ZFAND3: variants seen among roughly 807,000 people sequenced by gnomAD.
ZFAND3 encodes the protein zinc finger AN1-type containing 3, also known as AN1-type zinc finger protein 3.
ZFAND3 carries 10 observed loss-of-function variants against 29.6 expected under a neutral mutation model. The observed-to-expected ratio is 0.34, with a 90% CI of 0.21 to 0.57. The LOEUF (loss-of-function observed/expected upper bound fraction) is 0.57, where lower values mean the gene tolerates loss of function less well. Among genes scored for constraint, ZFAND3 ranks in the 20% least tolerant of loss-of-function variants. The pLI is 0.86. For missense variants in ZFAND3, 230 were observed against 304.5 expected (o/e 0.76, Z 1.82); for synonymous variants, 128 against 112.6 (o/e 1.14, Z -0.87).
intron 5 of ZFAND3, among the ~76,000 whole-genome samples, chr6:38,121,413 C>G (rs1215620731): frequency 6.6e-6 from 1 of 152,086 alleles, no homozygotes. Flanking sequence ...AAACAAGAAC[C>G]AAAACTTGAG....
chr6:37,870,417 C>T (rs1474217438), intron 1 of ZFAND3, among the ~76,000 whole-genome samples: 1 of 150,562 alleles, frequency 6.6e-6, no homozygotes, highest in South Asian at 2.1e-4. Context: ...GCCTGGCCAA[C>T]GTGGTGAAAC....
chr6:38,048,697 G>T (rs1450986774), intron 2 of ZFAND3, among the ~76,000 whole-genome samples: 1 of 151,560 alleles, frequency 6.6e-6, no homozygotes, highest in Non-Finnish European at 1.5e-5. Flanking sequence ...ATCCTACACA[G>T]GTTTTAACGT....
intron 1 of ZFAND3, among the ~76,000 whole-genome samples, chr6:37,845,779 A>G (rs957730385): frequency 6.6e-6 from 1 of 152,212 alleles, no homozygotes; most frequent in Non-Finnish European, 1.5e-5. Context: ...TTTGGGAAAT[A>G]ATGATGAAAT....
chr6:37,859,294 ATTCT>A (rs1196092202), intron 1 of ZFAND3, among the ~76,000 whole-genome samples: 1 of 152,174 alleles, frequency 6.6e-6, no homozygotes, highest in Non-Finnish European at 1.5e-5. Context: ...CATCTCATTG[ATTCT>A]TTCTATTAAA....
chr6:37,944,154 T>TA (rs1761858940), intron 2 of ZFAND3, among the ~76,000 whole-genome samples: 1 of 152,202 alleles, frequency 6.6e-6, no homozygotes, highest in South Asian at 2.1e-4. Flanking sequence ...TACAGTTATT[T>TA]AGATGTGTTG....
chr6:37,888,399 T>TAGTTGC (rs149391855), intron 1 of ZFAND3, among the ~76,000 whole-genome samples: 2,179 of 152,310 alleles, frequency 0.014, 41 homozygotes, highest in African/African-American at 0.048. Flanking sequence ...ATCTGAAATG[T>TAGTTGC]AGTTGCATAA....
At chr6:38,011,455 C>A (rs1350088185) in intron 2 of ZFAND3, among the ~76,000 whole-genome samples, 1 of 152,142 alleles carries the variant, frequency 6.6e-6, no homozygotes, top group Non-Finnish European at 1.5e-5. Context: ...TGCTCCATAT[C>A]CTTGCCAACA....
At chr6:38,029,783 T>C (rs1763516331) in intron 2 of ZFAND3, among the ~76,000 whole-genome samples, 1 of 152,146 alleles carries the variant, frequency 6.6e-6, no homozygotes, top group African/African-American at 2.4e-5. Flanking sequence ...GCAATCCTCA[T>C]GCATTTCCAG....
chr6:37,911,351 T>C (rs1401437880), intron 1 of ZFAND3, among the ~76,000 whole-genome samples: 1 of 152,218 alleles, frequency 6.6e-6, no homozygotes, highest in Admixed American at 6.5e-5. Flanking sequence ...TTTTGGGAAA[T>C]GTCTATTCAG....
chr6:38,045,365 A>G (rs1050573508), intron 2 of ZFAND3, among the ~76,000 whole-genome samples: 7 of 152,144 alleles, frequency 4.6e-5, no homozygotes, highest in Admixed American at 3.3e-4. Flanking sequence ...GTGGGATTGC[A>G]GATTTGAGCC....
At chr6:37,902,527 A>G (rs776176053) in intron 1 of ZFAND3, among the ~76,000 whole-genome samples, 1 of 152,052 alleles carries the variant, frequency 6.6e-6, no homozygotes, top group Non-Finnish European at 1.5e-5. Context: ...CAAAACAAAT[A>G]TAACGTTAGT....
chr6:38,013,205 A>T (rs530633303), intron 2 of ZFAND3, among the ~76,000 whole-genome samples: 46 of 152,262 alleles, frequency 3.0e-4, no homozygotes, highest in Admixed American at 5.9e-4. Flanking sequence ...TGTATTTTCA[A>T]CTTCACTTGG....
intron 3 of ZFAND3, among the ~76,000 whole-genome samples, chr6:38,063,434 C>T (rs914975206): frequency 1.3e-5 from 2 of 152,144 alleles, no homozygotes; most frequent in African/African-American, 2.4e-5. Context: ...TAGGACAGTC[C>T]TCTGCAACAA....
At chr6:37,984,564 A>G (rs914543896) in intron 2 of ZFAND3, among the ~76,000 whole-genome samples, 1 of 152,210 alleles carries the variant, frequency 6.6e-6, no homozygotes, top group African/African-American at 2.4e-5. Context: ...ACTTTCTGAA[A>G]ACATTTAAAT....
intron 1 of ZFAND3, among the ~76,000 whole-genome samples, chr6:37,834,768 T>C (rs1386377005): frequency 6.8e-6 from 1 of 146,180 alleles, no homozygotes; most frequent in Non-Finnish European, 1.5e-5. Context: ...TGATATATGC[T>C]CATATATGCA....
chr6:37,836,087 A>G (rs1212325765), intron 1 of ZFAND3, among the ~76,000 whole-genome samples: 2 of 152,198 alleles, frequency 1.3e-5, no homozygotes, highest in Non-Finnish European at 2.9e-5. Flanking sequence ...GTGTATTGTC[A>G]TAACTGAAGC....
chr6:37,929,030 C>G lies in ZFAND3; in HGVS notation c.72-929C>G, dbSNP rs777335384. ...GTATGTCTTTGATTTCTAAGACCCC[C>G]TTCTAAGTTGAATAATGCCTTGGCA... On this transcript the variant is annotated intron_variant, in intron 1 of 5. Transcript: ENST00000287218. Among the ~76,000 whole-genome samples, 12 of 152,260 alleles carry G rather than the reference C, an allele frequency of 7.9e-5. 1 individual carries two copies. Among genetic ancestry groups the G allele is most frequent in the Admixed American group, 3.3e-4 (5 of 15,296 alleles).
intron 2 of ZFAND3, among the ~76,000 whole-genome samples, chr6:37,954,286 A>G (rs763659735): frequency 2.0e-5 from 3 of 151,878 alleles, no homozygotes; most frequent in Non-Finnish European, 2.9e-5. Context: ...CCTTTTTTCT[A>G]TTTTTTAAAC....
At chr6:37,863,512 G>C (rs150615365) in intron 1 of ZFAND3, among the ~76,000 whole-genome samples, 1 of 152,124 alleles carries the variant, frequency 6.6e-6, no homozygotes, top group East Asian at 1.9e-4. Context: ...TGACAATAAA[G>C]ACACACCAAA....
Sources: gnomAD v4.1 joint callset for allele counts (sites outside exome capture counted in the v4.1 genomes callset) on GRCh38, gnomAD v4.1.1 for gene constraint, MANE v1.5 for transcripts, NCBI Gene and HGNC (gene_info 2026-07-23, HGNC 2026-07-21) for gene names.